Variants in NAA16 observed in about 807,000 individuals in gnomAD.
NAA16 encodes the protein NARG1-like protein.
Under a neutral mutation model 110.3 loss-of-function variants are expected in NAA16, and 97 were observed. The observed-to-expected ratio is 0.88, with a 90% CI of 0.75 to 1.04. NAA16 has a LOEUF of 1.04. Ranked by LOEUF, NAA16 falls within the 50% of genes least tolerant of loss-of-function variation. NAA16 has a pLI of 0.00. For synonymous variants in NAA16, 372 were observed against 330.6 expected (o/e 1.13, Z -1.36); for missense variants, 1,017 against 1,005.1 (o/e 1.01, Z -0.16).
chr13:41,335,994 C>T (rs1042825111), intron 8 of NAA16, among the ~76,000 whole-genome samples: 2 of 151,674 alleles, frequency 1.3e-5, no homozygotes, highest in Non-Finnish European at 2.9e-5. Context: ...AAGGTGATGA[C>T]AAAAATCATT....
intron 2 of NAA16, among the ~76,000 whole-genome samples, chr13:41,318,427 C>T (rs2041863237): frequency 1.3e-5 from 2 of 152,128 alleles, no homozygotes; most frequent in South Asian, 4.1e-4. Flanking sequence ...GTCTCGAACT[C>T]TTGACCTCAG....
chr13:41,323,686 T>C (rs1319862078), intron 5 of NAA16, among the ~76,000 whole-genome samples: 2 of 150,812 alleles, frequency 1.3e-5, no homozygotes, highest in African/African-American at 2.5e-5. Context: ...GGTCTTGCGA[T>C]GTTGTCCAGG....
intron 12 of NAA16, among the ~76,000 whole-genome samples, chr13:41,360,671 T>C (rs1190731392): frequency 6.6e-6 from 1 of 152,150 alleles, no homozygotes; most frequent in Non-Finnish European, 1.5e-5. Context: ...ATCCATAATA[T>C]GTGGTGAACA....
chr13:41,341,375 A>G (rs1413289911), intron 9 of NAA16, among the ~76,000 whole-genome samples: 2 of 152,174 alleles, frequency 1.3e-5, no homozygotes, highest in Admixed American at 6.5e-5. Context: ...CCAACTTTAA[A>G]TGTTCTGGTA....
At chr13:41,364,909 G>C (rs1327826018) in intron 13 of NAA16, among the ~76,000 whole-genome samples, 1 of 152,038 alleles carries the variant, frequency 6.6e-6, no homozygotes, top group East Asian at 1.9e-4. Flanking sequence ...GTCACATCCG[G>C]GAACTCTGAG....
Position 41,317,905 on chromosome 13 carries a change from C to G in NAA16, c.140-901C>G, listed in dbSNP as rs188159364. On this transcript the variant is annotated intron_variant, in intron 2 of 19. Coordinates refer to ENST00000379406, the MANE Select transcript of NAA16 (RefSeq NM_024561.5). ...TCCTAAACCATCTTTTATTAACTTC[C>G]TTACATGTTTTTTGTTGCCACTACC... Among the ~76,000 whole-genome samples, 385 of 152,234 alleles carry G rather than the reference C, an allele frequency of 2.5e-3. 1 individual carries two copies. Among genetic ancestry groups the G allele is most frequent in the Non-Finnish European group, 4.6e-3 (311 of 68,008 alleles).
At chr13:41,328,018 G>A (rs1002813255) in intron 6 of NAA16, 1 of 152,016 alleles carries the variant, frequency 6.6e-6, no homozygotes, top group Admixed American at 6.6e-5. Context: ...AGATTGTTTG[G>A]GGAATGGGTA....
chr13:41,325,113 A>G (rs61963138), intron 5 of NAA16, among the ~76,000 whole-genome samples: 1 of 151,792 alleles, frequency 6.6e-6, no homozygotes, highest in Non-Finnish European at 1.5e-5. Context: ...ATGTGCCACC[A>G]CGCCAGGCTA....
chr13:41,372,626 T>TA (rs2139519876), intron 16 of NAA16, 106 bp from the exon 17 acceptor site: 3 of 1,336,208 alleles, frequency 2.2e-6, no homozygotes, highest in Non-Finnish European at 2.9e-6. Context: ...ACGAGTGTTA[T>TA]AAAAAAGGTA....
At chr13:41,352,542 C>T (rs1213798775) in intron 9 of NAA16, among the ~76,000 whole-genome samples, 2 of 151,996 alleles carry the variant, frequency 1.3e-5, no homozygotes, top group African/African-American at 4.8e-5. Flanking sequence ...TTAGTTCCAG[C>T]TACTCAGGAG....
chr13:41,311,565 C>G lies in NAA16; in HGVS notation c.37C>G (p.Leu13Val), dbSNP rs540657280. The stretch of plus-strand genomic sequence containing the variant: ...GCTGCTGCCGCCCAAGGAGAGCAAC[C>G]TCTTCAAACGCATCTTGGTGAGTGG... ...NVLLPPKESN[L>V]FKRILKCYEQ... The change falls in exon 1 of 20, where the codon CTC becomes GTC. Residue 13 changes from leucine (L) to valine (V), a missense_variant. Transcript: ENST00000379406. 1 of 1,608,798 alleles carries G rather than the reference C, an allele frequency of 6.2e-7. No homozygotes were observed. Among genetic ancestry groups the G allele is most frequent in the South Asian group, 1.1e-5 (1 of 90,080 alleles).
chr13:41,347,520 T>G (rs1336709345), intron 9 of NAA16, among the ~76,000 whole-genome samples: 1 of 152,088 alleles, frequency 6.6e-6, no homozygotes, highest in African/African-American at 2.4e-5. Context: ...TTTGATTTCT[T>G]TCAACCAATG....
intron 9 of NAA16, among the ~76,000 whole-genome samples, chr13:41,340,690 T>C (rs868548246): frequency 1.2e-5 from 1 of 86,404 alleles, no homozygotes; most frequent in African/African-American, 7.7e-5. Context: ...TTTTTTTTTT[T>C]TCCGAGACGG....
chr13:41,332,132 A>G lies in NAA16; in HGVS notation c.907+763A>G, dbSNP rs192228964. ...GGAGCTGGAGTGCAGTGGCGCAATC[A>G]CTGTAGCCTCAAACCCCTGGGCTCA... On this transcript the variant is annotated intron_variant, in intron 8 of 19. Transcript: ENST00000379406. 8.6e-5 allele frequency among the ~76,000 whole-genome samples: 13 copies of G among 151,770 alleles called. No homozygotes were observed. The East Asian group carries it at 2.1e-3, about 25-fold the overall frequency.
chr13:41,358,164 C>A (rs2043034661), intron 10 of NAA16, 140 bp from the exon 11 acceptor site: 2 of 724,598 alleles, frequency 2.8e-6, no homozygotes, highest in Admixed American at 3.1e-5. Context: ...ATACCTCTTT[C>A]TTTTGAAATT....
intron 10 of NAA16, among the ~76,000 whole-genome samples, chr13:41,357,015 A>T (rs1476465457): frequency 6.6e-6 from 1 of 152,174 alleles, no homozygotes; most frequent in Non-Finnish European, 1.5e-5. Flanking sequence ...TGTTATACTC[A>T]TTAAAAAGGT....
intron 12 of NAA16, 109 bp from the exon 13 acceptor site, chr13:41,361,922 A>G: frequency 1.7e-6 from 2 of 1,175,608 alleles, no homozygotes; most frequent in African/African-American, 1.6e-5. Context: ...ATATTTGCTA[A>G]TTGCTGCTAT....
intron 6 of NAA16, among the ~76,000 whole-genome samples, chr13:41,327,275 TTGTTC>T (rs1566252332): frequency 6.6e-6 from 1 of 152,128 alleles, no homozygotes; most frequent in Non-Finnish European, 1.5e-5. Context: ...GGTTTCTATC[TTGTTC>T]TGTTACTTAT....
chr13:41,359,806 C>T (rs181856088), intron 12 of NAA16, among the ~76,000 whole-genome samples: 218 of 152,076 alleles, frequency 1.4e-3, no homozygotes, highest in African/African-American at 5.0e-3. Context: ...TCACTGTACA[C>T]GAATCAGTTC....
Sources: allele counts gnomAD v4.1 joint callset (sites outside exome capture counted in the v4.1 genomes callset), GRCh38; gene constraint gnomAD v4.1.1; transcripts MANE v1.5; gene names NCBI Gene and HGNC (gene_info 2026-07-23, HGNC 2026-07-21).